Variants in ADK observed in about 807,000 individuals in gnomAD.
The protein encoded by ADK is adenosine kinase.
Under a neutral mutation model 44.7 loss-of-function variants are expected in ADK, and 24 were observed. The ratio of observed to expected loss-of-function variants is 0.54; its 90% CI spans 0.39 to 0.76. The LOEUF (loss-of-function observed/expected upper bound fraction) is 0.76. Among genes scored for constraint, ADK ranks in the 30% least tolerant of loss-of-function variants. The probability of loss-of-function intolerance (pLI) is 0.00; values close to 1 mark genes in which losing one functional copy is unlikely to be tolerated. For missense variants in ADK, 321 were observed against 425.1 expected (o/e 0.76, Z 2.15); for synonymous variants, 128 against 142.6 (o/e 0.90, Z 0.73).
At chr10:74,311,910 G>T (rs1840444926) in intron 3 of ADK, among the ~76,000 whole-genome samples, 1 of 152,170 alleles carries the variant, frequency 6.6e-6, no homozygotes, top group South Asian at 2.1e-4. Context: ...GCTCACACCT[G>T]TAATACCAGC....
intron 9 of ADK, among the ~76,000 whole-genome samples, chr10:74,663,504 C>T (rs890873215): frequency 1.2e-4 from 18 of 151,884 alleles, no homozygotes; most frequent in Admixed American, 1.2e-3. Flanking sequence ...TTCCCATGAA[C>T]ATTTAATTTT....
At chr10:74,383,408 GTCTC>G (rs1554851152) in intron 4 of ADK, among the ~76,000 whole-genome samples, 2 of 150,314 alleles carry the variant, frequency 1.3e-5, no homozygotes, top group South Asian at 2.1e-4. Flanking sequence ...CTCTGTCTCT[GTCTC>G]TCTCTCTCTC....
At chr10:74,445,913 A>G (rs938210472) in intron 6 of ADK, among the ~76,000 whole-genome samples, 3 of 149,872 alleles carry the variant, frequency 2.0e-5, no homozygotes, top group Non-Finnish European at 4.5e-5. Context: ...TAAATGAGCT[A>G]TTTAAATTTA....
intron 8 of ADK, among the ~76,000 whole-genome samples, chr10:74,592,160 T>A (rs1445229100): frequency 3.9e-5 from 6 of 152,106 alleles, no homozygotes; most frequent in African/African-American, 7.2e-5. Flanking sequence ...AGGATTTTTT[T>A]ATATATATAG....
chr10:74,294,253 C>T (rs1839731616), intron 3 of ADK, among the ~76,000 whole-genome samples: 1 of 149,824 alleles, frequency 6.7e-6, no homozygotes, highest in African/African-American at 2.5e-5. Context: ...TTGGGTGTGT[C>T]TTTTGGTGCT....
At chr10:74,579,647 A>G (rs755668516) in intron 7 of ADK, among the ~76,000 whole-genome samples, 3 of 152,206 alleles carry the variant, frequency 2.0e-5, no homozygotes, top group Admixed American at 6.5e-5. Flanking sequence ...CAGTGGCCCA[A>G]CTGAATGGAG....
At position 74,698,820 on chromosome 10, in the gene ADK, A is replaced by C. The variant is rs140116624; in HGVS notation, c.965-9501A>C. On this transcript the variant is annotated intron_variant, in intron 10 of 10. Transcript: ENST00000539909. ...ATGATCTGGGTGCCTCAGCCTCCCT[A>C]AGTACTGGGATTACAGGCATGAGCC... Among the ~76,000 whole-genome samples the C allele has an allele frequency of 3.4e-3, 512 of 151,840 alleles. 5 individuals are homozygous for C. The highest frequency in any genetic ancestry group is 0.012 in the African/African-American group (495 of 41,358).
At chr10:74,567,875 A>G (rs1564796145) in intron 7 of ADK, among the ~76,000 whole-genome samples, 1 of 151,164 alleles carries the variant, frequency 6.6e-6, no homozygotes, top group Non-Finnish European at 1.5e-5. Context: ...ATTTTTTTGT[A>G]TTTTTAGTAG....
At chr10:74,164,309 G>A (rs1277858615) in intron 1 of ADK, among the ~76,000 whole-genome samples, 6 of 152,230 alleles carry the variant, frequency 3.9e-5, no homozygotes, top group Non-Finnish European at 5.9e-5. Flanking sequence ...GCTGAGGCAG[G>A]CAGATCACTT....
At chr10:74,156,582 A>G (rs1841755279) in intron 1 of ADK, among the ~76,000 whole-genome samples, 1 of 152,202 alleles carries the variant, frequency 6.6e-6, no homozygotes, top group African/African-American at 2.4e-5. Flanking sequence ...AAAGAAAACA[A>G]AATATCTTTC....
At chr10:74,528,040 C>T in intron 7 of ADK, 1 of 914,222 alleles carries the variant, frequency 1.1e-6, no homozygotes, top group South Asian at 1.3e-5. Flanking sequence ...CAATAAAACC[C>T]AGAGTAAACT....
At chr10:74,450,840 T>C (rs925169895) in intron 6 of ADK, among the ~76,000 whole-genome samples, 3 of 152,142 alleles carry the variant, frequency 2.0e-5, no homozygotes, top group African/African-American at 7.2e-5. Flanking sequence ...ATTAAAGATT[T>C]ATTAGATAAA....
At chr10:74,598,682 C>T (rs1222729875) in intron 8 of ADK, among the ~76,000 whole-genome samples, 2 of 152,166 alleles carry the variant, frequency 1.3e-5, no homozygotes, top group East Asian at 3.9e-4. Context: ...ATCTCTCGAC[C>T]TCGTGATCTG....
At chr10:74,616,863 A>G (rs983712625) in intron 9 of ADK, among the ~76,000 whole-genome samples, 3 of 151,970 alleles carry the variant, frequency 2.0e-5, no homozygotes, top group Admixed American at 1.3e-4. Context: ...ATTTTCCTCT[A>G]TTTATGCAGT....
At chr10:74,490,859 G>C (rs757853988) in intron 6 of ADK, among the ~76,000 whole-genome samples, 50 of 152,012 alleles carry the variant, frequency 3.3e-4, no homozygotes, top group Non-Finnish European at 7.1e-4. Context: ...CTCACAGATG[G>C]CTTCTCAGGT....
chr10:74,199,941 G>T (rs1843312978), intron 1 of ADK, among the ~76,000 whole-genome samples: 1 of 151,906 alleles, frequency 6.6e-6, no homozygotes, highest in Admixed American at 6.6e-5. Context: ...GCCTCCCAAA[G>T]TGCTGGGATT....
chr10:74,240,014 C>CT (rs11285474), intron 3 of ADK, among the ~76,000 whole-genome samples: 3,963 of 145,210 alleles, frequency 0.027, 69 homozygotes, highest in African/African-American at 0.033. Context: ...CTTTGCACAG[C>CT]TTTTTTTTTT....
intron 4 of ADK, among the ~76,000 whole-genome samples, chr10:74,357,182 G>A (rs1374584505): frequency 6.6e-6 from 1 of 152,290 alleles, no homozygotes; most frequent in East Asian, 1.9e-4. Flanking sequence ...GTAATAAATT[G>A]TCTTTGTTTC....
chr10:74,371,744 C>T (rs937524356), intron 4 of ADK: 8 of 1,392,998 alleles, frequency 5.7e-6, no homozygotes, highest in Middle Eastern at 2.0e-4. Flanking sequence ...CCATTGAAAA[C>T]CCTGCTGATG....
Sources: gnomAD v4.1 joint callset for allele counts (sites outside exome capture counted in the v4.1 genomes callset) on GRCh38, gnomAD v4.1.1 for gene constraint, MANE v1.5 for transcripts, NCBI Gene and HGNC (gene_info 2026-07-23, HGNC 2026-07-21) for gene names.